TRPM7: variants seen among roughly 807,000 people sequenced by gnomAD.
The protein encoded by TRPM7 is transient receptor potential cation channel subfamily M member 7, also known as LTRPC ion channel family member 7.
A neutral mutation model predicts 229.7 loss-of-function variants in TRPM7; 134 were observed. The ratio of observed to expected loss-of-function variants is 0.58; its 90% CI spans 0.51 to 0.67. TRPM7 has a LOEUF of 0.67. Ranked by LOEUF, TRPM7 falls within the 30% of genes least tolerant of loss-of-function variation. The pLI is 0.00. For synonymous variants in TRPM7, 699 were observed against 715.2 expected (o/e 0.98, Z 0.36); for missense variants, 1,901 against 2,210.0 (o/e 0.86, Z 2.80).
At chr15:50,618,440 GGTGCCTGT>G (rs2060291141) in intron 13 of TRPM7, among the ~76,000 whole-genome samples, 2 of 151,942 alleles carry the variant, frequency 1.3e-5, no homozygotes, top group African/African-American at 2.4e-5. Context: ...CGTGGTGGCA[GGTGCCTGT>G]AGTCCCAGCT....
intron 27 of TRPM7, among the ~76,000 whole-genome samples, chr15:50,588,768 G>C (rs1596113723): frequency 1.3e-5 from 2 of 152,198 alleles, no homozygotes; most frequent in South Asian, 4.1e-4. Flanking sequence ...AGTAATATAT[G>C]AGAGCAACAT....
In TRPM7 at chr15:50,575,927, G is replaced by T; in HGVS notation, c.4619-8C>A. 1 of 1,612,668 alleles carries T rather than the reference G, an allele frequency of 6.2e-7. No homozygotes were observed. The highest frequency in any genetic ancestry group is 1.1e-5 in the South Asian group (1 of 90,932). ...TAAATGGAGAAGTGAGACCTAGAAT[G>T]GCAAATAAACAAACGAGACCATTTA... On this transcript the variant is annotated splice_region_variant and splice_polypyrimidine_tract_variant and intron_variant, in intron 31 of 38. Transcript: ENST00000646667.
In TRPM7 at chr15:50,575,981, C is replaced by T. The variant is rs186185422; in HGVS notation, c.4619-62G>A. On this transcript the variant is annotated intron_variant, in intron 31 of 38. Transcript: ENST00000646667. ...AGTACTAGTACAGCAAAAATTTTAACCCGGATAATCTCATAAAATCATTTT... is the reference window on the plus strand; with the variant it reads ...AGTACTAGTACAGCAAAAATTTTAATCCGGATAATCTCATAAAATCATTTT... 3.9e-4 allele frequency: 582 copies of T among 1,495,714 alleles called. 1 individual carries two copies. The highest frequency in any genetic ancestry group is 5.0e-4 in the Non-Finnish European group (543 of 1,091,862). The allele number at this position is 1,495,714 out of a possible 1,614,324, so 92.7% of individuals were successfully genotyped here. A position where few individuals can be genotyped will look rare whatever the true frequency, so the allele number is the denominator to read the frequency against.
chr15:50,570,096 C>T lies in TRPM7; in HGVS notation c.5360+8G>A, dbSNP rs751670492. The stretch of plus-strand genomic sequence containing the variant: ...TTATGCCTTAATGAAATAGTTAAAA[C>T]TTATTACCTCTTTTCTTCTGCTTTT... On this transcript the variant is annotated splice_region_variant and intron_variant, in intron 37 of 38. Transcript: ENST00000646667. The T allele has an allele frequency of 6.2e-7, 1 of 1,609,696 alleles. No individual in the cohort carries two copies. Among genetic ancestry groups the T allele is most frequent in the Non-Finnish European group, 8.5e-7 (1 of 1,177,988 alleles).
At chr15:50,619,401 T>C (rs925109724) in intron 13 of TRPM7, among the ~76,000 whole-genome samples, 3 of 151,960 alleles carry the variant, frequency 2.0e-5, no homozygotes, top group African/African-American at 7.3e-5. Flanking sequence ...TTTTAACTTT[T>C]CGTAGCGATG....
chr15:50,621,995 T>C (rs2060420951), intron 12 of TRPM7, among the ~76,000 whole-genome samples: 1 of 149,480 alleles, frequency 6.7e-6, no homozygotes, highest in South Asian at 2.1e-4. Flanking sequence ...GTGCCACTGC[T>C]CTCCAGCCTG....
rs192481777 is a variant in TRPM7 at position 50,654,758 on chromosome 15, G to T, written c.122+3023C>A. Among the ~76,000 whole-genome samples the T allele has an allele frequency of 4.1e-3, 620 of 151,026 alleles. 10 individuals are homozygous for T. The highest frequency in any genetic ancestry group is 0.014 in the African/African-American group (585 of 41,388). On this transcript the variant is annotated intron_variant, in intron 3 of 38. Transcript: ENST00000646667. ...TCACGCCTGTAATCCCAGCACTTTG[G>T]GATTACAGGCGGGCAGATCACAAGG...
intron 1 of TRPM7, among the ~76,000 whole-genome samples, chr15:50,680,394 T>A (rs1340559968): frequency 1.3e-5 from 2 of 151,634 alleles, no homozygotes; most frequent in Non-Finnish European, 2.9e-5. Context: ...CACAAATTTT[T>A]AAAAAATAAA....
chr15:50,676,720 T>G (rs1217228358), intron 1 of TRPM7, among the ~76,000 whole-genome samples: 1 of 152,138 alleles, frequency 6.6e-6, no homozygotes, highest in Non-Finnish European at 1.5e-5. Flanking sequence ...GTCCCCATCC[T>G]ATGCCTAGTG....
At chr15:50,590,581 A>G in intron 26 of TRPM7, among the ~76,000 whole-genome samples, 1 of 152,364 alleles carries the variant, frequency 6.6e-6, no homozygotes, top group Middle Eastern at 3.4e-3. Flanking sequence ...TATATAATAT[A>G]CATGTAGAGA....
chr15:50,622,636 A>G (rs1216380312), intron 12 of TRPM7, among the ~76,000 whole-genome samples: 1 of 152,264 alleles, frequency 6.6e-6, no homozygotes, highest in Non-Finnish European at 1.5e-5. Flanking sequence ...CTGTAATCCC[A>G]GAACTTTGGG....
Position 50,678,006 on chromosome 15 carries a change from G to A in TRPM7, c.3+8525C>T, listed in dbSNP as rs556403173. On this transcript the variant is annotated intron_variant, in intron 1 of 38. Transcript: ENST00000646667. ...TATAATCCCAGCACTTTGGGAGGCCGAGGCGGGCGGATCACGAGGTCAGGA... is the reference window on the plus strand; with the variant it reads ...TATAATCCCAGCACTTTGGGAGGCCAAGGCGGGCGGATCACGAGGTCAGGA... Among the ~76,000 whole-genome samples the A allele has an allele frequency of 5.5e-4, 83 of 151,738 alleles. 2 individuals carry two copies. The South Asian group carries it at 0.014, about 26-fold the overall frequency.
chr15:50,606,287 G>A (rs1210799198), intron 20 of TRPM7, among the ~76,000 whole-genome samples: 2 of 152,122 alleles, frequency 1.3e-5, no homozygotes, highest in South Asian at 2.1e-4. Flanking sequence ...GGTGAGGCAG[G>A]AGAATCGCTT....
rs767680827 is a variant in TRPM7, at chr15:50,592,427, T to C, written c.3808A>G (p.Ile1270Val). 1 of 1,614,212 alleles carries C rather than the reference T, an allele frequency of 6.2e-7. No homozygotes were observed. The highest frequency in any genetic ancestry group is 8.5e-7 in the Non-Finnish European group (1 of 1,180,036). Reference protein sequence around the residue: ...VHNEITRELSISKHLAQNLID... With the variant: ...VHNEITRELSVSKHLAQNLID... ...AGGTTTTGAGCCAAGTGTTTGGAAA[T>C]GCTCAGTTCTCGTGTGATTTCATTA... Residue 1270 changes from isoleucine to valine, a missense_variant, in exon 26 of 39, where the codon ATT becomes GTT. Ile to Val is a conservative substitution (Grantham distance 29, BLOSUM62 3). Coordinates refer to ENST00000646667, the MANE Select transcript of TRPM7 (RefSeq NM_017672.6).
rs890659881 is a variant in TRPM7 at position 50,574,563 on chromosome 15, A to G, written c.5102+74T>C. On this transcript the variant is annotated intron_variant, in intron 35 of 38. Transcript: ENST00000646667. Reference sequence around the variant, plus strand: ...CTACAAAATGGATAATTAAATATTCAACATCAAAAATGAAGGTCAAAAGGG... The same window carrying G: ...CTACAAAATGGATAATTAAATATTCGACATCAAAAATGAAGGTCAAAAGGG... 1.9e-5 allele frequency: 29 copies of G among 1,548,324 alleles called. No homozygotes were observed. In the East Asian group the frequency reaches 6.1e-4, roughly 32 times the overall value.
chr15:50,573,239 T>C (rs193028042), intron 36 of TRPM7, among the ~76,000 whole-genome samples: 5 of 152,250 alleles, frequency 3.3e-5, no homozygotes, highest in Admixed American at 3.3e-4. Flanking sequence ...CCTTGATCAG[T>C]AAAATGTGGC....
At chr15:50,653,958 C>G (rs1230940215) in intron 3 of TRPM7, among the ~76,000 whole-genome samples, 1 of 151,952 alleles carries the variant, frequency 6.6e-6, no homozygotes, top group African/African-American at 2.4e-5. Context: ...CAATTGAGAA[C>G]ACAAAAAAGC....
chr15:50,606,360 C>G (rs2059919148), intron 20 of TRPM7, among the ~76,000 whole-genome samples: 1 of 151,178 alleles, frequency 6.6e-6, no homozygotes, highest in African/African-American at 2.5e-5. Flanking sequence ...GCCTGGGTCA[C>G]AGAGGGAGAC....
At position 50,563,923 on chromosome 15, in the gene TRPM7, G is replaced by A. The variant is rs140661790; in HGVS notation, c.5468-2115C>T. On this transcript the variant is annotated intron_variant, in intron 38 of 38. Transcript: ENST00000646667. ...TGCCCAGGCTGAAGTGCAGTGGCACGATCTCGGCTCACTGAAACCCCTACC... is the reference window on the plus strand; with the variant it reads ...TGCCCAGGCTGAAGTGCAGTGGCACAATCTCGGCTCACTGAAACCCCTACC... Among the ~76,000 whole-genome samples the A allele has an allele frequency of 9.6e-3, 1,454 of 152,042 alleles. 30 individuals are homozygous for A. Among genetic ancestry groups the A allele is most frequent in the African/African-American group, 0.033 (1,376 of 41,450 alleles).
Sources: allele counts gnomAD v4.1 joint callset (sites outside exome capture counted in the v4.1 genomes callset), GRCh38; gene constraint gnomAD v4.1.1; transcripts MANE v1.5; gene names NCBI Gene and HGNC (gene_info 2026-07-23, HGNC 2026-07-21).